Variants in THSD7B observed in about 807,000 individuals in gnomAD.
THSD7B encodes thrombospondin type 1 domain containing 7B.
In THSD7B, 138 loss-of-function variants were observed where a neutral mutation model predicts 213.6. The observed-to-expected ratio is 0.65, with a 90% confidence interval of 0.56 to 0.74. THSD7B has a LOEUF of 0.74. Ranked by LOEUF, THSD7B falls within the 30% of genes least tolerant of loss-of-function variation. THSD7B has a pLI of 0.00. For synonymous variants in THSD7B, 742 were observed against 687.0 expected (o/e 1.08, Z -1.25); for missense variants, 1,931 against 1,991.5 (o/e 0.97, Z 0.58).
intron 20 of THSD7B, among the ~76,000 whole-genome samples, chr2:137,621,768 A>G (rs1006970566): frequency 6.6e-6 from 1 of 152,212 alleles, no homozygotes; most frequent in African/African-American, 2.4e-5. Context: ...TTGTGCTGCT[A>G]TAATAGAACA....
intron 17 of THSD7B, among the ~76,000 whole-genome samples, chr2:137,614,162 G>T (rs1682339305): frequency 6.6e-6 from 1 of 151,926 alleles, no homozygotes; most frequent in Admixed American, 6.6e-5. Context: ...GAAACTATAT[G>T]GTATGAAATG....
intron 15 of THSD7B, among the ~76,000 whole-genome samples, chr2:137,460,088 C>T (rs1687855444): frequency 2.0e-5 from 3 of 152,048 alleles, no homozygotes; most frequent in Admixed American, 6.6e-5. Flanking sequence ...GATACCATAC[C>T]CAAAGCAAAT....
chr2:136,830,202 C>T (rs1217627535), intron 1 of THSD7B, among the ~76,000 whole-genome samples: 1 of 151,978 alleles, frequency 6.6e-6, no homozygotes, highest in East Asian at 1.9e-4. Context: ...ACATATGGTA[C>T]CTGAAAAATC....
intron 1 of THSD7B, among the ~76,000 whole-genome samples, chr2:136,822,570 T>A (rs1287083311): frequency 6.6e-6 from 1 of 152,180 alleles, no homozygotes; most frequent in African/African-American, 2.4e-5. Context: ...CTTAGAGAGG[T>A]CATTCAGCTA....
chr2:136,855,205 ATGAAG>A (rs1683158622), intron 1 of THSD7B, among the ~76,000 whole-genome samples: 1 of 152,108 alleles, frequency 6.6e-6, no homozygotes, highest in African/African-American at 2.4e-5. Flanking sequence ...ATTTACATGT[ATGAAG>A]TGAAGAGTGG....
chr2:137,232,535 G>A (rs1045795612), intron 8 of THSD7B, among the ~76,000 whole-genome samples: 1 of 152,152 alleles, frequency 6.6e-6, no homozygotes, highest in African/African-American at 2.4e-5. Context: ...CGAGGTCATA[G>A]ACTATTCTAA....
chr2:137,622,021 C>T (rs72844540), intron 20 of THSD7B, among the ~76,000 whole-genome samples: 11,730 of 152,124 alleles, frequency 0.077, 656 homozygotes, highest in Non-Finnish European at 0.12. Context: ...TATCCCTGCA[C>T]GAGTGAGAAC....
At chr2:137,111,948 T>A (rs1573829969) in intron 4 of THSD7B, among the ~76,000 whole-genome samples, 1 of 152,148 alleles carries the variant, frequency 6.6e-6, no homozygotes, top group Admixed American at 6.5e-5. Flanking sequence ...TTGAAAGGCA[T>A]CAGAGTTGGG....
intron 15 of THSD7B, among the ~76,000 whole-genome samples, chr2:137,532,621 A>G (rs542026740): frequency 2.1e-4 from 32 of 151,900 alleles, no homozygotes; most frequent in Admixed American, 1.9e-3. Flanking sequence ...TAGAGATAAA[A>G]CATGTTATTC....
At chr2:136,823,265 C>T (rs79288586) in intron 1 of THSD7B, among the ~76,000 whole-genome samples, 160 of 152,272 alleles carry the variant, frequency 1.1e-3, no homozygotes, top group African/African-American at 3.4e-3. Context: ...AATTCTTCTA[C>T]GATGTGGGCC....
intron 2 of THSD7B, among the ~76,000 whole-genome samples, chr2:137,003,595 C>A (rs1168299375): frequency 6.6e-6 from 1 of 152,158 alleles, no homozygotes; most frequent in Admixed American, 6.5e-5. Flanking sequence ...GAAATGGTTC[C>A]TTCTCTTGTA....
chr2:137,488,760 T>C (rs962648050), intron 15 of THSD7B, among the ~76,000 whole-genome samples: 1 of 152,198 alleles, frequency 6.6e-6, no homozygotes, highest in African/African-American at 2.4e-5. Flanking sequence ...TAATTACAAG[T>C]CAGTCTAAGA....
At chr2:137,131,655 G>T (rs1461802176) in intron 5 of THSD7B, among the ~76,000 whole-genome samples, 1 of 152,176 alleles carries the variant, frequency 6.6e-6, no homozygotes, top group Non-Finnish European at 1.5e-5. Context: ...CCCATTGCTT[G>T]TTTTTGTCAG....
chr2:137,318,431 T>G (rs757784530), intron 12 of THSD7B, among the ~76,000 whole-genome samples: 4 of 152,122 alleles, frequency 2.6e-5, no homozygotes, highest in Non-Finnish European at 5.9e-5. Flanking sequence ...TGGTCAAGCC[T>G]AAGTCTAGTA....
chr2:137,639,392 G>A (rs781472213), intron 20 of THSD7B, among the ~76,000 whole-genome samples: 15 of 152,188 alleles, frequency 9.9e-5, no homozygotes, highest in South Asian at 4.1e-4. Context: ...AAACGCCTGC[G>A]TGCCCAGGCA....
At chr2:137,578,267 G>A (rs1182332697) in intron 17 of THSD7B, among the ~76,000 whole-genome samples, 5 of 152,110 alleles carry the variant, frequency 3.3e-5, no homozygotes, top group Admixed American at 1.3e-4. Flanking sequence ...AAAAGAGCTA[G>A]GCAAACAAAA....
At chr2:137,077,166 T>A (rs1423868564) in intron 3 of THSD7B, among the ~76,000 whole-genome samples, 1 of 152,166 alleles carries the variant, frequency 6.6e-6, no homozygotes, top group Non-Finnish European at 1.5e-5. Context: ...TCATCATTTT[T>A]ATGGCTGCAT....
chr2:137,133,104 T>G (rs1688771503), intron 5 of THSD7B, among the ~76,000 whole-genome samples: 1 of 152,206 alleles, frequency 6.6e-6, no homozygotes, highest in South Asian at 2.1e-4. Context: ...TTAAAAATAC[T>G]CCGTTGACTT....
intron 15 of THSD7B, among the ~76,000 whole-genome samples, chr2:137,525,365 G>C (rs114264442): frequency 1.9e-3 from 293 of 152,238 alleles, no homozygotes; most frequent in African/African-American, 6.9e-3. Flanking sequence ...CTAGCTCCTA[G>C]GTAGCTGCAA....
Sources: allele counts gnomAD v4.1 joint callset (sites outside exome capture counted in the v4.1 genomes callset), GRCh38; gene constraint gnomAD v4.1.1; transcripts MANE v1.5; gene names NCBI Gene and HGNC (gene_info 2026-07-23, HGNC 2026-07-21).